GJA5: variants seen among roughly 807,000 people sequenced by gnomAD.
The protein encoded by GJA5 is gap junction alpha-5 protein.
In GJA5, 3 loss-of-function variants were observed where a neutral mutation model predicts 7.9. That is an observed-to-expected ratio of 0.38 (90% CI 0.17 to 0.99). The LOEUF is 0.99. Ranked by LOEUF, GJA5 falls within the 50% of genes least tolerant of loss-of-function variation. The pLI is 0.38. For missense variants in GJA5, 390 were observed against 457.9 expected (o/e 0.85, Z 1.35); for synonymous variants, 193 against 181.0 (o/e 1.07, Z -0.53).
chr1:147,765,155 T>C (rs988850177), upstream of GJA5, among the ~76,000 whole-genome samples: 2 of 152,226 alleles, frequency 1.3e-5, no homozygotes, highest in Admixed American at 1.3e-4. Context: ...CTACATTCTC[T>C]TGTTGGTTCC....
At chr1:147,765,639 T>C (rs1553228075) in intron 1 of GJA5, among the ~76,000 whole-genome samples, 1 of 152,156 alleles carries the variant, frequency 6.6e-6, no homozygotes, top group African/African-American at 2.4e-5. Context: ...GAGCAGAGCA[T>C]GGAAGGAGAG....
rs1210708742 is a variant in GJA5 at position 147,772,132 on chromosome 1, A to G, written c.-34+1120T>C. On this transcript the variant is annotated intron_variant, in intron 1 of 1. Transcript: ENST00000430508. ...AGTTTTGCTGGTTCCAGGTCTTCTGACTCCCTGTTCGGTGCTCTTTGCACT... is the reference window on the plus strand; with the variant it reads ...AGTTTTGCTGGTTCCAGGTCTTCTGGCTCCCTGTTCGGTGCTCTTTGCACT... Among the ~76,000 whole-genome samples, 2 of 151,466 alleles carry G rather than the reference A, an allele frequency of 1.3e-5. 1 individual carries two copies. The highest frequency in any genetic ancestry group is 4.9e-5 in the African/African-American group (2 of 41,150).
upstream of GJA5, among the ~76,000 whole-genome samples, chr1:147,760,869 ACAG>A (rs1663977146): frequency 6.7e-6 from 1 of 150,290 alleles, no homozygotes; most frequent in African/African-American, 2.4e-5. Context: ...AGCCTCACTC[ACAG>A]TGCTCCCATC....
chr1:147,772,544 G>T (rs1664447899), intron 1 of GJA5, among the ~76,000 whole-genome samples: 2 of 152,194 alleles, frequency 1.3e-5, no homozygotes, highest in Non-Finnish European at 2.9e-5. Flanking sequence ...ATGCTCAGAA[G>T]AAAGGTCCAG....
rs782282057 is a variant in GJA5 at position 147,759,275 on chromosome 1, C to T, written c.-33-4G>A. On this transcript the variant is annotated splice_polypyrimidine_tract_variant and splice_region_variant and intron_variant, in intron 1 of 1. Coordinates refer to ENST00000579774, the MANE Select transcript of GJA5 (RefSeq NM_181703.4). ...CAGGGAACAGATGCCAAAACTTCTG[C>T]AAATGGGAGAGAGAGAAAGAGAGAA... 15 of 1,287,748 alleles carry T rather than the reference C, an allele frequency of 1.2e-5. 1 individual carries two copies. In the South Asian group the frequency reaches 1.8e-4, roughly 15 times the overall value. 79.8% of individuals were successfully genotyped at this position (1,287,748 alleles called of 1,614,324 possible).
Position 147,758,909 on chromosome 1 carries a change from C to T in GJA5, c.330G>A (p.Glu110=). The change falls in exon 2 of 2, where the codon GAG becomes GAA. Residue 110 remains glutamate, a synonymous_variant. Coordinates refer to ENST00000579774, the MANE Select transcript of GJA5 (RefSeq NM_181703.4). ...CCCGGACCTCTTTGGCCCTCTCGGC[C>T]TCCCGTAGCTTGCGCTTCTCCTGCA... ...VRMQEKRKLR[E]AERAKEVRGS... 6.2e-7 allele frequency: 1 copy of T among 1,614,264 alleles called. No individual in the cohort carries two copies. Among genetic ancestry groups the T allele is most frequent in the Non-Finnish European group, 8.5e-7 (1 of 1,180,044 alleles).
upstream of GJA5, among the ~76,000 whole-genome samples, chr1:147,760,819 G>A (rs1663974110): frequency 6.6e-6 from 1 of 152,192 alleles, no homozygotes; most frequent in Non-Finnish European, 1.5e-5. Context: ...TAGAGGGAAT[G>A]CTCCAGAAAA....
At chr1:147,764,495 C>T (rs1371774324), upstream of GJA5, among the ~76,000 whole-genome samples, 4 of 152,120 alleles carry the variant, frequency 2.6e-5, no homozygotes, top group Admixed American at 6.5e-5. Flanking sequence ...AGGTGCAAGG[C>T]CTGACACACA....
chr1:147,759,309 G>C, intron 1 of GJA5, 38 bp from the exon 2 acceptor site: 1 of 1,051,892 alleles, frequency 9.5e-7, no homozygotes, highest in Non-Finnish European at 1.5e-6. Flanking sequence ...AAAAGAAGAA[G>C]GATGTTCTGT....
At chr1:147,765,970 A>G (rs1419069287) in intron 1 of GJA5, among the ~76,000 whole-genome samples, 1 of 152,158 alleles carries the variant, frequency 6.6e-6, no homozygotes, top group Non-Finnish European at 1.5e-5. Flanking sequence ...AGGCCCTACC[A>G]TAGGGATGCC....
chr1:147,762,016 C>A (rs1467634190), upstream of GJA5, among the ~76,000 whole-genome samples: 1 of 152,192 alleles, frequency 6.6e-6, no homozygotes, highest in African/African-American at 2.4e-5. Flanking sequence ...TCCTCACCTG[C>A]AAAATGGACA....
At position 147,757,670 on chromosome 1, in the gene GJA5, G is replaced by A. The variant is rs1663791965; in HGVS notation, c.*492C>T. 5.5e-6 allele frequency: 1 copy of A among 181,962 alleles called. No homozygotes were observed. The highest frequency in any genetic ancestry group is 5.3e-5 in the Admixed American group (1 of 18,786). 11.3% of individuals were successfully genotyped at this position (181,962 alleles called of 1,614,324 possible). A position where few individuals can be genotyped will look rare whatever the true frequency, so the allele number is the denominator to read the frequency against. On this transcript the variant is annotated 3_prime_UTR_variant, in exon 2 of 2. Transcript: ENST00000579774. ...CCACTACTCCGAGGAATGGTCCATG[G>A]AGACAACAGATTCAAGAGCACATAT... is the stretch of plus-strand genomic sequence containing the variant.
At chr1:147,772,399 C>T (rs143840901) in intron 1 of GJA5, among the ~76,000 whole-genome samples, 1 of 152,114 alleles carries the variant, frequency 6.6e-6, no homozygotes, top group African/African-American at 2.4e-5. Flanking sequence ...CCTTACACAC[C>T]GTTACTGCTG....
At chr1:147,769,574 A>C (rs1305204716) in intron 1 of GJA5, among the ~76,000 whole-genome samples, 3 of 149,136 alleles carry the variant, frequency 2.0e-5, no homozygotes, top group East Asian at 3.9e-4. Flanking sequence ...TCCAGTAAAA[A>C]CTCCTCTCAG....
At chr1:147,764,752 C>T (rs971053094), upstream of GJA5, among the ~76,000 whole-genome samples, 11 of 140,016 alleles carry the variant, frequency 7.9e-5, no homozygotes, top group South Asian at 4.5e-4. Context: ...TGAATCCGGG[C>T]GGTGGAGGTT....
chr1:147,769,783 G>A (rs782248944), intron 1 of GJA5, among the ~76,000 whole-genome samples: 1 of 152,098 alleles, frequency 6.6e-6, no homozygotes, highest in South Asian at 2.1e-4. Context: ...GTCAAGTCTG[G>A]AGAATCAGGG....
At position 147,767,560 on chromosome 1, in the gene GJA5, G is replaced by GTATTTTTTTTT. The variant is rs140792295; in HGVS notation, c.-34+5691_-34+5692insAAAAAAAAATA. Among the ~76,000 whole-genome samples the GTATTTTTTTTT allele has an allele frequency of 3.0e-5, 2 of 67,276 alleles. 1 individual carries two copies. The highest frequency in any genetic ancestry group is 5.8e-5 in the Non-Finnish European group (2 of 34,606). 44.1% of individuals were successfully genotyped at this position (67,276 alleles called of 152,430 possible). On this transcript the variant is annotated intron_variant, in intron 1 of 1. Transcript: ENST00000430508. ...GCACCACCATACCCAGCTAATTTTTGTTATTTTTTTTTTTTTTTTTAGAGA... is the reference window on the plus strand; with the variant it reads ...GCACCACCATACCCAGCTAATTTTTGTATTTTTTTTTTTATTTTTTTTTTTTTTTTTAGAGA...
intron 1 of GJA5, among the ~76,000 whole-genome samples, chr1:147,766,410 T>G (rs1200086130): frequency 1.3e-5 from 2 of 152,164 alleles, no homozygotes; most frequent in Admixed American, 1.3e-4. Flanking sequence ...AGGATGAGAA[T>G]GCACACAGAG....
At chr1:147,770,053 C>G (rs1664341066) in intron 1 of GJA5, among the ~76,000 whole-genome samples, 1 of 152,014 alleles carries the variant, frequency 6.6e-6, no homozygotes, top group Non-Finnish European at 1.5e-5. Context: ...AGGGGGTTGT[C>G]TACTCTGTGA....
Sources: gnomAD v4.1 joint callset for allele counts (sites outside exome capture counted in the v4.1 genomes callset) on GRCh38, gnomAD v4.1.1 for gene constraint, MANE v1.5 for transcripts, NCBI Gene and HGNC (gene_info 2026-07-23, HGNC 2026-07-21) for gene names.